DCAF4: variants seen among roughly 807,000 people sequenced by gnomAD.
DCAF4 encodes DDB1- and CUL4-associated factor 4.
DCAF4 carries 37 observed loss-of-function variants against 60.9 expected under a neutral mutation model. That is an observed-to-expected ratio of 0.61 (90% CI 0.47 to 0.80). The LOEUF is 0.80. Ranked by LOEUF, DCAF4 falls within the 30% of genes least tolerant of loss-of-function variation. The pLI is 0.00. For missense variants in DCAF4, 577 were observed against 650.0 expected (o/e 0.89, Z 1.22); for synonymous variants, 243 against 254.8 (o/e 0.95, Z 0.44).
chr14:72,953,782 T>TTG (rs149574612), intron 9 of DCAF4, among the ~76,000 whole-genome samples: 2,897 of 40,876 alleles, frequency 0.071, 252 homozygotes, highest in South Asian at 0.11. Flanking sequence ...ATTTATTTAT[T>TTG]TGTGTGTGTG....
At position 72,938,090 on chromosome 14, in the gene DCAF4, G is replaced by A; in HGVS notation, c.92+20G>A. 1 of 1,582,756 alleles carries A rather than the reference G, an allele frequency of 6.3e-7. No individual in the cohort carries two copies. Among genetic ancestry groups the A allele is most frequent in the Non-Finnish European group, 8.5e-7 (1 of 1,170,078 alleles). ...AGACAGGCAAGTGTGCCGCTCTGGG[G>A]AGCCACTTTTGCCCAGTGTGCTTCT... On this transcript the variant is annotated intron_variant, in intron 2 of 13. Transcript: ENST00000358377.
intron 9 of DCAF4, among the ~76,000 whole-genome samples, chr14:72,952,148 A>G (rs770298487): frequency 5.6e-4 from 85 of 152,222 alleles, no homozygotes; most frequent in Admixed American, 8.5e-4. Context: ...ACGCCCGTGC[A>G]CATCATTCAG....
chr14:72,943,207 A>G (rs1460701341), intron 6 of DCAF4, 111 bp downstream of exon 6: 1 of 910,292 alleles, frequency 1.1e-6, no homozygotes, highest in Non-Finnish European at 1.7e-6. Context: ...ACTGCAATGA[A>G]AGTAGGTGGC....
intron 1 of DCAF4, among the ~76,000 whole-genome samples, chr14:72,932,170 G>A (rs1567294969): frequency 6.6e-6 from 1 of 152,068 alleles, no homozygotes; most frequent in East Asian, 1.9e-4. Context: ...TTGTATTTTG[G>A]TAGAGATGAG....
intron 5 of DCAF4, chr14:72,942,045 A>G: frequency 2.0e-6 from 1 of 498,098 alleles, no homozygotes; most frequent in Non-Finnish European, 3.6e-6. Context: ...GCAGGAGGAT[A>G]GGGAGAGAGG....
intron 13 of DCAF4, chr14:72,958,248 G>A (rs887938197): frequency 1.3e-5 from 4 of 319,780 alleles, no homozygotes; most frequent in African/African-American, 6.6e-5. Flanking sequence ...ACTCCAGCCC[G>A]GGCGACAGAG....
At chr14:72,941,667 T>A in intron 4 of DCAF4, 78 bp from the exon 5 acceptor site, 1 of 1,378,878 alleles carries the variant, frequency 7.3e-7, no homozygotes, top group Non-Finnish European at 1.0e-6. Flanking sequence ...TTACATCCTA[T>A]GGAACTAAAA....
At chr14:72,939,756 G>C (rs1427834777) in intron 2 of DCAF4, 46 bp from the exon 3 acceptor site, 1 of 1,544,436 alleles carries the variant, frequency 6.5e-7, no homozygotes, top group Non-Finnish European at 8.8e-7. Flanking sequence ...AGAATGGCTG[G>C]AACTCAAGTC....
At chr14:72,950,012 A>C (rs1333812463) in intron 8 of DCAF4, among the ~76,000 whole-genome samples, 1 of 152,110 alleles carries the variant, frequency 6.6e-6, no homozygotes, top group African/African-American at 2.4e-5. Context: ...AGGGACCCCT[A>C]ATAGGAGGAG....
chr14:72,932,280 T>C (rs982153120), intron 1 of DCAF4, among the ~76,000 whole-genome samples: 12 of 152,220 alleles, frequency 7.9e-5, no homozygotes, highest in Admixed American at 7.2e-4. Context: ...CGTGAGCCAC[T>C]GCACCCGGCC....
intron 9 of DCAF4, among the ~76,000 whole-genome samples, chr14:72,953,747 A>T: frequency 1.2e-5 from 1 of 83,662 alleles, no homozygotes; most frequent in Non-Finnish European, 2.3e-5. Context: ...ATATATATAT[A>T]TATATATATA....
intron 1 of DCAF4, chr14:72,929,815 A>G: frequency 8.3e-7 from 1 of 1,201,358 alleles, no homozygotes; most frequent in Non-Finnish European, 1.2e-6. Context: ...TCCCGCTACA[A>G]ACTTGGTGCG....
intron 9 of DCAF4, among the ~76,000 whole-genome samples, chr14:72,953,316 T>C (rs746651864): frequency 2.6e-5 from 4 of 152,132 alleles, no homozygotes; most frequent in Non-Finnish European, 4.4e-5. Context: ...GTTTTATTTC[T>C]TAACCTGGGT....
Position 72,941,771 on chromosome 14 carries a change from T to C in DCAF4, c.378T>C (p.Ser126=), listed in dbSNP as rs760054034. 10 of 1,614,176 alleles carry C rather than the reference T, an allele frequency of 6.2e-6. No individual in the cohort carries two copies. Among genetic ancestry groups the C allele is most frequent in the Non-Finnish European group, 8.5e-6 (10 of 1,180,030 alleles). The change falls in exon 5 of 14, where the codon TCT becomes TCC. Residue 126 remains serine, a synonymous_variant. Coordinates refer to ENST00000358377, the MANE Select transcript of DCAF4 (RefSeq NM_015604.4). Reference sequence around the variant, plus strand: ...TTGCCAGGATGGGATTTAATGCATCTTCCATGCTACGAAAAAGCCAGCTGG... The same window carrying C: ...TTGCCAGGATGGGATTTAATGCATCCTCCATGCTACGAAAAAGCCAGCTGG... ...KKIARMGFNA[S]SMLRKSQLGF... is the part of the protein sequence containing the mutation.
chr14:72,953,730 A>ATATAT lies in DCAF4; in HGVS notation c.809-434_809-433insTATAT, dbSNP rs1179787420. Among the ~76,000 whole-genome samples, 26 of 27,770 alleles carry ATATAT rather than the reference A, an allele frequency of 9.4e-4. 1 individual carries two copies. The highest frequency in any genetic ancestry group is 1.9e-3 in the African/African-American group (11 of 5,828). The allele number at this position is 27,770 out of a possible 152,430, so 18.2% of individuals were successfully genotyped here. A position where few individuals can be genotyped will look rare whatever the true frequency, so the allele number is the denominator to read the frequency against. Reference sequence around the variant, plus strand: ...GTCTTAAAAAAAAAAAAAAAAAAAAAAAATATATATATATATATATATATA... The same window carrying ATATAT: ...GTCTTAAAAAAAAAAAAAAAAAAAAATATATAAATATATATATATATATATATATA... On this transcript the variant is annotated intron_variant, in intron 9 of 13. Transcript: ENST00000358377.
intron 1 of DCAF4, among the ~76,000 whole-genome samples, chr14:72,928,824 A>G (rs992513529): frequency 1.3e-5 from 2 of 151,988 alleles, no homozygotes; most frequent in South Asian, 4.1e-4. Flanking sequence ...ACCATGTGCT[A>G]AACAAGATGG....
At chr14:72,942,094 G>A (rs762376672) in intron 5 of DCAF4, 5 of 397,944 alleles carry the variant, frequency 1.3e-5, no homozygotes, top group African/African-American at 2.0e-5. Context: ...TCTGTTACTC[G>A]TAAGTCATTC....
At chr14:72,961,620 A>G (rs1392207561), downstream of DCAF4, among the ~76,000 whole-genome samples, 1 of 152,228 alleles carries the variant, frequency 6.6e-6, no homozygotes, top group Non-Finnish European at 1.5e-5. Context: ...TCTTCCCGCA[A>G]TTATTCCTGG....
rs778797519 is a variant in DCAF4 at position 72,941,810 on chromosome 14, C to T, written c.417C>T (p.Val139=). Reference sequence around the variant, plus strand: ...AAAGCCAGCTGGGTTTTCTCAACGTCACCAATTACTGCCAGTAAGACAATG... The same window carrying T: ...AAAGCCAGCTGGGTTTTCTCAACGTTACCAATTACTGCCAGTAAGACAATG... ...LRKSQLGFLN[V]TNYCHLAHEL... is the part of the protein sequence containing the mutation. Residue 139 remains valine, a synonymous_variant, in exon 5 of 14, where the codon GTC becomes GTT. Transcript: ENST00000358377. 2.5e-6 allele frequency: 4 copies of T among 1,614,076 alleles called. No individual in the cohort carries two copies. In the South Asian group the frequency reaches 4.4e-5, roughly 18 times the overall value.
Sources: gnomAD v4.1 joint callset for allele counts (sites outside exome capture counted in the v4.1 genomes callset) on GRCh38, gnomAD v4.1.1 for gene constraint, MANE v1.5 for transcripts, NCBI Gene and HGNC (gene_info 2026-07-23, HGNC 2026-07-21) for gene names.